The following HECTD2 variants were observed in gnomAD, a reference collection of about 807,000 sequenced individuals.
HECTD2 encodes the protein probable E3 ubiquitin-protein ligase HECTD2.
In HECTD2, 35 loss-of-function variants were observed where a neutral mutation model predicts 103.2. That is an observed-to-expected ratio of 0.34 (90% CI 0.26 to 0.45). The LOEUF (loss-of-function observed/expected upper bound fraction) is 0.45, where lower values mean the gene tolerates loss of function less well. Ranked by LOEUF, HECTD2 falls within the 20% of genes least tolerant of loss-of-function variation. HECTD2 has a pLI of 1.00. For synonymous variants in HECTD2, 281 were observed against 329.9 expected, an observed-to-expected ratio of 0.85 and a Z score of 1.61; for missense variants, 596 against 937.4, an observed-to-expected ratio of 0.64 and a Z score of 4.76.
At chr10:91,475,154 C>G (rs375885267) in intron 5 of HECTD2, among the ~76,000 whole-genome samples, 37 of 152,314 alleles carry the variant, frequency 2.4e-4, no homozygotes, top group African/African-American at 8.9e-4. Flanking sequence ...TAAGAAAGAT[C>G]TCTCTAGATG....
chr10:91,491,232 G>A lies in HECTD2; in HGVS notation c.1224G>A (p.Gln408=). The A allele has an allele frequency of 6.3e-7, 1 of 1,585,444 alleles. No homozygotes were observed. The highest frequency in any genetic ancestry group is 8.6e-7 in the Non-Finnish European group (1 of 1,159,050). ...QSLVDKVSRR[Q]RPDMNILFLN... is the part of the protein sequence containing the mutation. The stretch of plus-strand genomic sequence containing the variant: ...TGGTGGATAAAGTATCTCGAAGACA[G>A]AGACCTGATATGAATATATTATTTC... Residue 408 remains glutamine, a synonymous_variant, in exon 12 of 21, where the codon CAG becomes CAA. Transcript: ENST00000298068.
At chr10:91,488,906 T>G (rs1418278343) in intron 11 of HECTD2, 1 of 152,192 alleles carries the variant, frequency 6.6e-6, no homozygotes, top group Non-Finnish European at 1.5e-5. Flanking sequence ...AATTGTTACT[T>G]GATCTTGGGT....
chr10:91,486,286 C>G (rs952637915), intron 10 of HECTD2: 1 of 152,124 alleles, frequency 6.6e-6, no homozygotes, highest in Non-Finnish European at 1.5e-5. Context: ...TCTGGGCACC[C>G]TAGTCCCAGA....
chr10:91,484,359 T>A, intron 8 of HECTD2, 148 bp from the exon 9 acceptor site: 1 of 1,422,314 alleles, frequency 7.0e-7, no homozygotes, highest in South Asian at 1.3e-5. Flanking sequence ...AGATTTTGTA[T>A]CTTTTCAAAT....
chr10:91,511,815 C>G (rs932071785), intron 20 of HECTD2, among the ~76,000 whole-genome samples: 3 of 152,162 alleles, frequency 2.0e-5, no homozygotes, highest in African/African-American at 7.2e-5. Flanking sequence ...ATACCCATCT[C>G]TGGCCCTGGG....
upstream of HECTD2, chr10:91,410,188 G>C (rs1842851495): frequency 6.6e-6 from 1 of 151,842 alleles, no homozygotes. Context: ...AGCCCCGGGC[G>C]GGCGGGGGAG....
chr10:91,410,181 C>T, upstream of HECTD2: 1 of 151,932 alleles, frequency 6.6e-6, no homozygotes, highest in Non-Finnish European at 1.5e-5. Context: ...ACGCGCGAGC[C>T]CCGGGCGGGC....
In HECTD2 at chr10:91,513,271, T is replaced by G. The variant is rs1847487681; in HGVS notation, c.*887T>G. The G allele has an allele frequency of 6.6e-6, 1 of 152,664 alleles. No individual in the cohort carries two copies. Among genetic ancestry groups the G allele is most frequent in the Non-Finnish European group, 1.5e-5 (1 of 68,030 alleles). The allele number at this position is 152,664 out of a possible 1,614,324, so 9.5% of individuals were successfully genotyped here. ...TGTCAGTTACAAGCACAAAAGAATATAACTGCTTTTATAAATCTTTTGAAT... is the reference window on the plus strand; with the variant it reads ...TGTCAGTTACAAGCACAAAAGAATAGAACTGCTTTTATAAATCTTTTGAAT... On this transcript the variant is annotated 3_prime_UTR_variant, in exon 21 of 21. Transcript: ENST00000298068.
chr10:91,426,898 G>A (rs1843584055), intron 2 of HECTD2, among the ~76,000 whole-genome samples: 3 of 151,312 alleles, frequency 2.0e-5, no homozygotes, highest in Non-Finnish European at 2.9e-5. Context: ...TGTGCACAAT[G>A]TGCAGGTTAG....
chr10:91,508,914 C>T (rs1363798384), intron 20 of HECTD2, among the ~76,000 whole-genome samples: 1 of 151,446 alleles, frequency 6.6e-6, no homozygotes, highest in Non-Finnish European at 1.5e-5. Context: ...GAAAATGTGG[C>T]ACATATACAC....
At chr10:91,409,469 T>C (rs373145655), upstream of HECTD2, 1 of 152,698 alleles carries the variant, frequency 6.5e-6, no homozygotes, top group African/African-American at 2.4e-5. Flanking sequence ...AAGGGACGGA[T>C]AGGAGACAGC....
chr10:91,456,870 CA>C (rs1227438182), intron 2 of HECTD2, among the ~76,000 whole-genome samples: 1 of 151,944 alleles, frequency 6.6e-6, no homozygotes, highest in Non-Finnish European at 1.5e-5. Flanking sequence ...AAACTGAAAA[CA>C]GAAAAATTGA....
At chr10:91,499,980 T>C (rs1304727846) in intron 18 of HECTD2, among the ~76,000 whole-genome samples, 1 of 152,166 alleles carries the variant, frequency 6.6e-6, no homozygotes, top group Non-Finnish European at 1.5e-5. Context: ...ACTCTGGTAA[T>C]TGTGGGAGTG....
At chr10:91,462,315 C>T in intron 5 of HECTD2, 131 bp downstream of exon 5, 1 of 1,155,428 alleles carries the variant, frequency 8.7e-7, no homozygotes, top group Non-Finnish European at 1.1e-6. Context: ...GTAAATGTAG[C>T]TGGAATTCTC....
intron 2 of HECTD2, among the ~76,000 whole-genome samples, chr10:91,456,998 T>C (rs889577838): frequency 6.6e-6 from 1 of 151,988 alleles, no homozygotes; most frequent in Non-Finnish European, 1.5e-5. Flanking sequence ...TAGGAGATAT[T>C]ACAACAGACC....
chr10:91,439,857 G>A (rs1564708038), intron 2 of HECTD2, among the ~76,000 whole-genome samples: 1 of 152,058 alleles, frequency 6.6e-6, no homozygotes, highest in Non-Finnish European at 1.5e-5. Flanking sequence ...ATGAATGGGA[G>A]TTCACTGATG....
rs138831745 is a variant in HECTD2, at chr10:91,495,727, A to G, written c.1522-487A>G. On this transcript the variant is annotated intron_variant, in intron 14 of 20. Coordinates refer to ENST00000298068, the MANE Select transcript of HECTD2 (RefSeq NM_182765.6). The stretch of plus-strand genomic sequence containing the variant: ...CCTATCCTATTAGCTTATCAATAGC[A>G]TGTTTATATCCATATGTTTATTCAG... Among the ~76,000 whole-genome samples the G allele has an allele frequency of 8.0e-3, 1,219 of 152,186 alleles. 4 individuals are homozygous for G. Among genetic ancestry groups the G allele is most frequent in the Non-Finnish European group, 0.012 (790 of 67,940 alleles).
chr10:91,496,608 C>T (rs1183404557), intron 15 of HECTD2, among the ~76,000 whole-genome samples: 3 of 152,142 alleles, frequency 2.0e-5, no homozygotes, highest in Non-Finnish European at 4.4e-5. Context: ...CAGGCTCTGT[C>T]ACTTACTAGC....
intron 5 of HECTD2, among the ~76,000 whole-genome samples, chr10:91,471,832 C>G (rs1564724045): frequency 6.6e-6 from 1 of 152,164 alleles, no homozygotes; most frequent in Non-Finnish European, 1.5e-5. Flanking sequence ...AATGGTAAAA[C>G]ATTCCATGCT....
Sources: gnomAD v4.1 joint callset for allele counts (sites outside exome capture counted in the v4.1 genomes callset) on GRCh38, gnomAD v4.1.1 for gene constraint, MANE v1.5 for transcripts, NCBI Gene and HGNC (gene_info 2026-07-23, HGNC 2026-07-21) for gene names.